Variants in DENND1B observed in about 807,000 individuals in gnomAD.
The protein encoded by DENND1B is DENN domain-containing protein 1B.
A neutral mutation model predicts 90.1 loss-of-function variants in DENND1B; 59 were observed. The observed-to-expected ratio is 0.65, with a 90% CI of 0.53 to 0.81. DENND1B has a LOEUF of 0.81. DENND1B is among the 40% of genes least tolerant of loss of function. The pLI, the probability that DENND1B is intolerant of heterozygous loss-of-function variation, is 0.00. For synonymous variants in DENND1B, 337 were observed against 324.6 expected, an observed-to-expected ratio of 1.04 and a Z score of -0.41; for missense variants, 862 against 912.6, an observed-to-expected ratio of 0.94 and a Z score of 0.71.
chr1:197,625,657 C>A (rs1442320329), intron 10 of DENND1B, among the ~76,000 whole-genome samples: 3 of 151,970 alleles, frequency 2.0e-5, no homozygotes, highest in African/African-American at 7.3e-5. Context: ...CAAATTCACA[C>A]ATAACAATAT....
chr1:197,728,810 T>C (rs1016626874), intron 2 of DENND1B, among the ~76,000 whole-genome samples: 3 of 152,184 alleles, frequency 2.0e-5, no homozygotes, highest in Non-Finnish European at 4.4e-5. Context: ...CATCAAACTG[T>C]GTTAATATTT....
Position 197,715,067 on chromosome 1 carries a change from C to T in DENND1B, c.90G>A (p.Val30=), listed in dbSNP as rs1385702798. Residue 30 remains valine (V), a synonymous_variant, in exon 3 of 23, where the codon GTG becomes GTA. Transcript: ENST00000620048. Reference sequence around the variant, plus strand: ...AGTCCTCTGGGAATTTCCACAATACCACAGGATCTGTAAATAATTGACATG... The same window carrying T: ...AGTCCTCTGGGAATTTCCACAATACTACAGGATCTGTAAATAATTGACATG... ...KCHASENEDP[V]VLWKFPEDFG... The T allele has an allele frequency of 1.9e-6, 3 of 1,610,866 alleles. No homozygotes were observed. Among genetic ancestry groups the T allele is most frequent in the Admixed American group, 1.7e-5 (1 of 59,944 alleles).
chr1:197,717,375 C>T (rs1382181916), intron 2 of DENND1B, among the ~76,000 whole-genome samples: 1 of 151,858 alleles, frequency 6.6e-6, no homozygotes, highest in African/African-American at 2.4e-5. Flanking sequence ...TGGGAATCAT[C>T]GTTGCCAGTT....
intron 12 of DENND1B, among the ~76,000 whole-genome samples, chr1:197,607,627 T>C (rs936142878): frequency 6.6e-6 from 1 of 150,376 alleles, no homozygotes; most frequent in African/African-American, 2.4e-5. Context: ...TTTTTGTCTA[T>C]ATTCTATACA....
At chr1:197,707,781 G>A (rs1297673298) in intron 3 of DENND1B, among the ~76,000 whole-genome samples, 1 of 148,670 alleles carries the variant, frequency 6.7e-6, no homozygotes, top group Non-Finnish European at 1.5e-5. Context: ...GAGCGACGCA[G>A]AAGACGGGTG....
intron 15 of DENND1B, among the ~76,000 whole-genome samples, chr1:197,571,085 T>C (rs1161419267): frequency 2.6e-5 from 4 of 151,850 alleles, no homozygotes; most frequent in Non-Finnish European, 4.4e-5. Context: ...AACAAACAAA[T>C]TCTGTCCTGC....
intron 5 of DENND1B, among the ~76,000 whole-genome samples, chr1:197,660,517 C>A (rs1195177560): frequency 6.6e-6 from 1 of 151,866 alleles, no homozygotes; most frequent in Non-Finnish European, 1.5e-5. Context: ...GAACTTCAGA[C>A]ATGAGTCTCC....
At position 197,558,540 on chromosome 1, in the gene DENND1B, C is replaced by G. The variant is rs570517488; in HGVS notation, c.1150-5428G>C. 1.1e-3 allele frequency among the ~76,000 whole-genome samples: 161 copies of G among 151,802 alleles called. 1 individual carries two copies. The highest frequency in any genetic ancestry group is 2.1e-3 in the Non-Finnish European group (141 of 67,826). On this transcript the variant is annotated intron_variant, in intron 15 of 22. Coordinates refer to ENST00000620048, the MANE Select transcript of DENND1B (RefSeq NM_001195215.2). ...ATGTTACATAACACCAGAGGCCACG[C>G]TCTAGTTTTCAATCACGGGTCTGTT...
chr1:197,678,773 G>A (rs1251481421), intron 3 of DENND1B, among the ~76,000 whole-genome samples: 1 of 152,144 alleles, frequency 6.6e-6, no homozygotes, highest in Non-Finnish European at 1.5e-5. Context: ...ACTTATGAGT[G>A]AGAATATGCA....
At chr1:197,737,696 C>G (rs898092982) in intron 2 of DENND1B, among the ~76,000 whole-genome samples, 9 of 152,006 alleles carry the variant, frequency 5.9e-5, no homozygotes, top group African/African-American at 2.2e-4. Context: ...ACATAGGTAT[C>G]CAGGATCTAA....
chr1:197,548,218 C>A (rs1306068296), intron 16 of DENND1B, among the ~76,000 whole-genome samples: 2 of 152,160 alleles, frequency 1.3e-5, no homozygotes, highest in African/African-American at 4.8e-5. Context: ...CAAGTCATCG[C>A]ATGTTTTTAT....
intron 6 of DENND1B, among the ~76,000 whole-genome samples, chr1:197,657,304 T>TG (rs1653941874): frequency 1.3e-5 from 2 of 152,196 alleles, no homozygotes; most frequent in Non-Finnish European, 2.9e-5. Flanking sequence ...CTATTTGCTA[T>TG]TGAGACACAG....
Position 197,599,585 on chromosome 1 carries a change from T to C in DENND1B, c.922-4252A>G, listed in dbSNP as rs1283728133. On this transcript the variant is annotated intron_variant, in intron 13 of 22. Coordinates refer to ENST00000620048, the MANE Select transcript of DENND1B (RefSeq NM_001195215.2). ...ACAAAGTTATAAAGTTGAAAACTTT[T>C]ATTCTCCCTTGAATCATGTTATAGT... Among the ~76,000 whole-genome samples, 9 of 151,856 alleles carry C rather than the reference T, an allele frequency of 5.9e-5. No homozygotes were observed. In the East Asian group the frequency reaches 1.7e-3, roughly 29 times the overall value.
At chr1:197,614,195 A>G (rs1253789031) in intron 11 of DENND1B, among the ~76,000 whole-genome samples, 1 of 151,056 alleles carries the variant, frequency 6.6e-6, no homozygotes, top group Admixed American at 6.6e-5. Context: ...TGCAAAATTT[A>G]ATCATATAAT....
chr1:197,658,552 CA>C (rs1380779399), intron 5 of DENND1B, among the ~76,000 whole-genome samples, 183 bp from the exon 6 acceptor site: 1 of 151,770 alleles, frequency 6.6e-6, no homozygotes, highest in African/African-American at 2.4e-5. Context: ...TTTCATAAAA[CA>C]AATCAGAATC....
chr1:197,769,167 G>T (rs372195360), intron 2 of DENND1B, among the ~76,000 whole-genome samples: 52 of 152,062 alleles, frequency 3.4e-4, no homozygotes, highest in Non-Finnish European at 6.2e-4. Flanking sequence ...TTTTCTATTT[G>T]ATCAGTCAAC....
chr1:197,650,903 G>A (rs1054585799), intron 7 of DENND1B, among the ~76,000 whole-genome samples: 3 of 152,108 alleles, frequency 2.0e-5, no homozygotes, highest in Non-Finnish European at 2.9e-5. Context: ...AAAAGACTAC[G>A]AATATGGTGT....
intron 2 of DENND1B, among the ~76,000 whole-genome samples, chr1:197,722,244 G>T (rs1264464497): frequency 6.6e-6 from 1 of 152,042 alleles, no homozygotes; most frequent in Middle Eastern, 3.2e-3. Context: ...TATATGGATA[G>T]AAACTTTGTA....
intron 2 of DENND1B, among the ~76,000 whole-genome samples, chr1:197,737,608 T>G (rs867073748): frequency 1.5e-4 from 23 of 152,308 alleles, no homozygotes; most frequent in Admixed American, 2.6e-4. Flanking sequence ...ATTCTCCTAC[T>G]TAATCATTAC....
Sources: allele counts gnomAD v4.1 joint callset (sites outside exome capture counted in the v4.1 genomes callset), GRCh38; gene constraint gnomAD v4.1.1; transcripts MANE v1.5; gene names NCBI Gene and HGNC (gene_info 2026-07-23, HGNC 2026-07-21).